The following DGKB variants were observed in gnomAD, a reference collection of about 807,000 sequenced individuals.
DGKB encodes the protein diacylglycerol kinase beta.
In DGKB, 67 loss-of-function variants were observed where a neutral mutation model predicts 114.3. The observed-to-expected ratio is 0.59, with a 90% CI of 0.48 to 0.72. DGKB has a LOEUF of 0.72. DGKB is among the 30% of genes least tolerant of loss of function. DGKB has a pLI of 0.00. For missense variants in DGKB, 907 were observed against 975.2 expected, an observed-to-expected ratio of 0.93 and a Z score of 0.93; for synonymous variants, 398 against 323.1, an observed-to-expected ratio of 1.23 and a Z score of -2.49.
intron 13 of DGKB, among the ~76,000 whole-genome samples, chr7:14,643,387 A>C (rs73053241): frequency 0.021 from 3,176 of 152,026 alleles, 42 homozygotes; most frequent in Non-Finnish European, 0.03. Flanking sequence ...GGTGCCCTAC[A>C]CTCCTGGGAC....
At chr7:14,801,923 T>TACACACAC (rs1272968730) in intron 2 of DGKB, among the ~76,000 whole-genome samples, 22 of 109,036 alleles carry the variant, frequency 2.0e-4, no homozygotes, top group African/African-American at 1.1e-3. Context: ...CATATATACA[T>TACACACAC]ATACACACAC....
In DGKB at chr7:14,643,748, C is replaced by A. The variant is rs956269184; in HGVS notation, c.1135-13480G>T. 1.2e-4 allele frequency among the ~76,000 whole-genome samples: 18 copies of A among 152,176 alleles called. 1 individual carries two copies. The highest frequency in any genetic ancestry group is 2.1e-4 in the Non-Finnish European group (14 of 68,036). On this transcript the variant is annotated intron_variant, in intron 13 of 25. Coordinates refer to ENST00000402815, the MANE Select transcript of DGKB (RefSeq NM_001350709.2). The stretch of plus-strand genomic sequence containing the variant: ...GACCTCTCCCCCTCTAGCAGTGGGG[C>A]CACCACATGTCCATGTGCAATGTCA...
At chr7:14,480,234 A>G (rs770954080) in intron 20 of DGKB, among the ~76,000 whole-genome samples, 8 of 152,088 alleles carry the variant, frequency 5.3e-5, no homozygotes, top group Non-Finnish European at 1.0e-4. Flanking sequence ...TACATAGCCA[A>G]AGATAGAACT....
At chr7:14,446,760 A>G (rs1434877341) in intron 21 of DGKB, among the ~76,000 whole-genome samples, 1 of 152,132 alleles carries the variant, frequency 6.6e-6, no homozygotes, top group Non-Finnish European at 1.5e-5. Flanking sequence ...AGGCTCATAT[A>G]AAAACAAATT....
chr7:14,724,631 T>C (rs1210704526), intron 5 of DGKB, among the ~76,000 whole-genome samples: 1 of 152,172 alleles, frequency 6.6e-6, no homozygotes, highest in Admixed American at 6.5e-5. Context: ...GTAACCTCTG[T>C]GAAGGAACAA....
intron 21 of DGKB, among the ~76,000 whole-genome samples, chr7:14,414,342 A>G (rs193154265): frequency 3.6e-4 from 55 of 152,222 alleles, no homozygotes; most frequent in Non-Finnish European, 2.2e-4. Context: ...GCAACTAAAA[A>G]TGAGAGTTGA....
intron 25 of DGKB, among the ~76,000 whole-genome samples, chr7:14,172,848 C>T (rs546216905): frequency 6.6e-6 from 1 of 152,178 alleles, no homozygotes; most frequent in East Asian, 1.9e-4. Flanking sequence ...ACTCTATTCC[C>T]TCTACCCTCC....
intron 13 of DGKB, among the ~76,000 whole-genome samples, chr7:14,669,035 TCA>T (rs919980393): frequency 6.6e-5 from 10 of 152,156 alleles, no homozygotes; most frequent in Admixed American, 1.3e-4. Flanking sequence ...TCCTTGAAAA[TCA>T]CAGTTTCTTT....
At chr7:14,418,031 T>G (rs1315963634) in intron 21 of DGKB, among the ~76,000 whole-genome samples, 1 of 151,060 alleles carries the variant, frequency 6.6e-6, no homozygotes, top group Non-Finnish European at 1.5e-5. Flanking sequence ...AAATGCAGCT[T>G]TCTGTATCTC....
chr7:14,719,448 T>C (rs750766181), intron 5 of DGKB, among the ~76,000 whole-genome samples: 70 of 55,288 alleles, frequency 1.3e-3, no homozygotes, highest in Non-Finnish European at 3.2e-3. Context: ...CAGAAGCCAC[T>C]GAAGTCAGAT....
chr7:14,586,179 G>A (rs535297852), intron 17 of DGKB, among the ~76,000 whole-genome samples: 1 of 152,164 alleles, frequency 6.6e-6, no homozygotes, highest in Non-Finnish European at 1.5e-5. Flanking sequence ...AAAAGCGAAG[G>A]CAAAGTTATT....
chr7:14,156,577 T>A (rs10273051), intron 25 of DGKB, among the ~76,000 whole-genome samples: 3 of 152,120 alleles, frequency 2.0e-5, no homozygotes, highest in Non-Finnish European at 4.4e-5. Context: ...TTTAAAAATA[T>A]GAAAACTCTT....
At chr7:14,222,700 G>A (rs1790191857) in intron 23 of DGKB, among the ~76,000 whole-genome samples, 2 of 151,424 alleles carry the variant, frequency 1.3e-5, no homozygotes, top group African/African-American at 2.4e-5. Context: ...GAGTTCCAAT[G>A]TTCTATTTCC....
At chr7:14,775,548 A>G (rs926244122) in intron 2 of DGKB, among the ~76,000 whole-genome samples, 8 of 151,772 alleles carry the variant, frequency 5.3e-5, no homozygotes, top group African/African-American at 1.7e-4. Flanking sequence ...CTAGTGGGAG[A>G]TAATTGAATC....
At chr7:14,379,651 C>T (rs1819080657) in intron 21 of DGKB, among the ~76,000 whole-genome samples, 1 of 152,232 alleles carries the variant, frequency 6.6e-6, no homozygotes, top group South Asian at 2.1e-4. Flanking sequence ...CCTCCGCCTC[C>T]CAGGTTCAAG....
At chr7:14,289,155 A>C (rs1801346150) in intron 23 of DGKB, among the ~76,000 whole-genome samples, 2 of 152,190 alleles carry the variant, frequency 1.3e-5, no homozygotes, top group African/African-American at 4.8e-5. Context: ...ACTTAATATT[A>C]AACTCAATAT....
chr7:14,187,929 A>C (rs1387372341), intron 23 of DGKB, among the ~76,000 whole-genome samples: 1 of 152,192 alleles, frequency 6.6e-6, no homozygotes, highest in Non-Finnish European at 1.5e-5. Flanking sequence ...ATAAGAGAAC[A>C]CAGAGAAACA....
At chr7:14,793,362 C>G (rs1239591301) in intron 2 of DGKB, among the ~76,000 whole-genome samples, 1 of 152,032 alleles carries the variant, frequency 6.6e-6, no homozygotes, top group Non-Finnish European at 1.5e-5. Context: ...CCCAAGAAAA[C>G]ATTCCTGTCT....
chr7:14,918,830 C>T (rs974610610), intron 1 of DGKB, among the ~76,000 whole-genome samples: 1 of 151,608 alleles, frequency 6.6e-6, no homozygotes, highest in Non-Finnish European at 1.5e-5. Context: ...TTTGGGAGGC[C>T]GAGGGGGGCG....
Sources: allele counts gnomAD v4.1 joint callset (sites outside exome capture counted in the v4.1 genomes callset), GRCh38; gene constraint gnomAD v4.1.1; transcripts MANE v1.5; gene names NCBI Gene and HGNC (gene_info 2026-07-23, HGNC 2026-07-21).